The following ESR2 variants were observed in gnomAD, a reference collection of about 807,000 sequenced individuals.
ESR2 encodes the protein estrogen receptor 2, also known as estrogen receptor beta.
In ESR2, 36 loss-of-function variants were observed where a neutral mutation model predicts 49.6. That is an observed-to-expected ratio of 0.73 (90% CI 0.56 to 0.96). ESR2 has a LOEUF of 0.96. ESR2 is among the 40% of genes least tolerant of loss of function. The pLI, the probability that ESR2 is intolerant of heterozygous loss-of-function variation, is 0.00. For synonymous variants in ESR2, 320 were observed against 266.1 expected (o/e 1.20, Z -1.97); for missense variants, 714 against 693.0 (o/e 1.03, Z -0.34).
chr14:64,313,808 G>A (rs1180744442), intron 1 of ESR2, among the ~76,000 whole-genome samples: 1 of 151,138 alleles, frequency 6.6e-6, no homozygotes, highest in African/African-American at 2.4e-5. Context: ...GAACCCAGGA[G>A]GTGGAGCTTG....
intron 1 of ESR2, among the ~76,000 whole-genome samples, chr14:64,292,459 T>G (rs937966730): frequency 9.9e-5 from 15 of 152,202 alleles, no homozygotes; most frequent in African/African-American, 3.6e-4. Context: ...TTTTACTGTA[T>G]GTAAATTATA....
At chr14:64,246,512 C>A (rs56338405) in intron 7 of ESR2, among the ~76,000 whole-genome samples, 1 of 151,944 alleles carries the variant, frequency 6.6e-6, no homozygotes, top group African/African-American at 2.4e-5. Context: ...ATTACCCAGT[C>A]TCAGGTATTT....
intron 7 of ESR2, among the ~76,000 whole-genome samples, chr14:64,248,395 G>C (rs963563196): frequency 6.7e-6 from 1 of 150,312 alleles, no homozygotes; most frequent in African/African-American, 2.5e-5. Context: ...TGTATTCCAA[G>C]CTACTTGTGA....
chr14:64,269,803 T>C (rs1021044819), intron 3 of ESR2, among the ~76,000 whole-genome samples: 1 of 152,206 alleles, frequency 6.6e-6, no homozygotes, highest in Non-Finnish European at 1.5e-5. Context: ...TCTAAGACAA[T>C]GGTACTTTTA....
At chr14:64,279,640 AAAAG>A (rs1567771829) in intron 3 of ESR2, among the ~76,000 whole-genome samples, 1 of 152,226 alleles carries the variant, frequency 6.6e-6, no homozygotes, top group South Asian at 2.1e-4. Flanking sequence ...AAATTTAAGT[AAAAG>A]AAAGAAACAA....
chr14:64,279,248 A>C (rs1031008892), intron 3 of ESR2, among the ~76,000 whole-genome samples: 8 of 152,324 alleles, frequency 5.3e-5, no homozygotes, highest in Middle Eastern at 3.4e-3. Context: ...TATAAGACCA[A>C]GTTGTGGCCT....
chr14:64,324,643 C>G (rs966374793), intron 1 of ESR2, among the ~76,000 whole-genome samples: 1 of 152,138 alleles, frequency 6.6e-6, no homozygotes, highest in Admixed American at 6.6e-5. Flanking sequence ...AAAGATGATA[C>G]AGCTGTTCCA....
At chr14:64,273,222 G>A (rs1246885382) in intron 3 of ESR2, among the ~76,000 whole-genome samples, 1 of 151,824 alleles carries the variant, frequency 6.6e-6, no homozygotes, top group African/African-American at 2.4e-5. Flanking sequence ...TTTTTTGGTG[G>A]AATTTTTCAA....
At chr14:64,324,575 C>T in intron 1 of ESR2, among the ~76,000 whole-genome samples, 1 of 152,092 alleles carries the variant, frequency 6.6e-6, no homozygotes, top group East Asian at 1.9e-4. Context: ...TTTCAAGGAT[C>T]TTTTGTTGTT....
rs187592998 is a variant in ESR2, at chr14:64,283,812, A to G, written c.-90-737T>C. On this transcript the variant is annotated intron_variant, in intron 1 of 8. Coordinates refer to ENST00000341099, the MANE Select transcript of ESR2 (RefSeq NM_001437.3). ...TTTCCGAAAAAAGTTTTTAAAAGAAAGAAAACACATTATGAATCTCCAATA... is the reference window on the plus strand; with the variant it reads ...TTTCCGAAAAAAGTTTTTAAAAGAAGGAAAACACATTATGAATCTCCAATA... Among the ~76,000 whole-genome samples the G allele has an allele frequency of 2.9e-3, 439 of 152,142 alleles. 4 individuals carry two copies. The highest frequency in any genetic ancestry group is 0.028 in the South Asian group (136 of 4,816).
At chr14:64,255,863 C>T (rs572775785) in intron 6 of ESR2, among the ~76,000 whole-genome samples, 17 of 152,354 alleles carry the variant, frequency 1.1e-4, no homozygotes, top group African/African-American at 3.8e-4. Flanking sequence ...GTTCAAGTCA[C>T]ATCAGTCCTC....
chr14:64,326,688 A>C (rs1478844831), intron 1 of ESR2, among the ~76,000 whole-genome samples: 1 of 152,182 alleles, frequency 6.6e-6, no homozygotes, highest in Admixed American at 6.6e-5. Context: ...AGATCCAAAA[A>C]CAACCCTGGA....
Position 64,283,081 on chromosome 14 carries a change from A to C in ESR2, c.-90-6T>G. ...TTCGTGGGCAAGTATAATGGCTGTA[A>C]AGAAACACAGAAGATATTGCCAAGT... On this transcript the variant is annotated splice_region_variant and splice_polypyrimidine_tract_variant and intron_variant, in intron 1 of 8. Coordinates refer to ENST00000341099, the MANE Select transcript of ESR2 (RefSeq NM_001437.3). 8 of 1,289,018 alleles carry C rather than the reference A, an allele frequency of 6.2e-6. No homozygotes were observed. The highest frequency in any genetic ancestry group is 5.3e-6 in the Non-Finnish European group (5 of 938,848). The allele number at this position is 1,289,018 out of a possible 1,614,324, so 79.8% of individuals were successfully genotyped here. A position where few individuals can be genotyped will look rare whatever the true frequency, so the allele number is the denominator to read the frequency against.
At chr14:64,261,926 A>T (rs1005241214) in intron 4 of ESR2, among the ~76,000 whole-genome samples, 1 of 151,670 alleles carries the variant, frequency 6.6e-6, no homozygotes, top group Admixed American at 6.6e-5. Context: ...TAACTTTTAA[A>T]TTTTTTTGTA....
intron 1 of ESR2, among the ~76,000 whole-genome samples, chr14:64,337,160 C>G (rs1196703321): frequency 2.0e-5 from 3 of 152,208 alleles, no homozygotes; most frequent in East Asian, 3.8e-4. Flanking sequence ...TCACACTCAT[C>G]AGTACCATGG....
intron 7 of ESR2, among the ~76,000 whole-genome samples, chr14:64,242,547 C>G (rs1385914734): frequency 6.7e-6 from 1 of 149,876 alleles, no homozygotes; most frequent in Non-Finnish European, 1.5e-5. Context: ...CCTTGTATTC[C>G]CAAAAATTCT....
At position 64,309,607 on chromosome 14, in the gene ESR2, C is replaced by CAA. The variant is rs545143689; in HGVS notation, c.-90-26534_-90-26533dup. On this transcript the variant is annotated intron_variant, in intron 1 of 8. Coordinates refer to the ESR2 transcript ENST00000358599. ...GGGCAACAAGAGTGAAACTCCATCT[C>CAA]AAAAAAAAAAATAGAGAATCTTGCG... Among the ~76,000 whole-genome samples the CAA allele has an allele frequency of 2.2e-4, 28 of 125,894 alleles. No individual in the cohort carries two copies. The South Asian group carries it at 2.5e-3, about 11-fold the overall frequency. 82.6% of individuals were successfully genotyped at this position (125,894 alleles called of 152,430 possible). A position where few individuals can be genotyped will look rare whatever the true frequency, so the allele number is the denominator to read the frequency against.
At chr14:64,285,710 C>T (rs1405902761) in intron 1 of ESR2, among the ~76,000 whole-genome samples, 1 of 151,670 alleles carries the variant, frequency 6.6e-6, no homozygotes. Flanking sequence ...TGCCTGTAGT[C>T]CCAGCTACTC....
At chr14:64,296,273 A>G (rs1000594118), upstream of ESR2, among the ~76,000 whole-genome samples, 2 of 152,130 alleles carry the variant, frequency 1.3e-5, no homozygotes, top group Admixed American at 6.5e-5. Context: ...TCAGTGAGAT[A>G]TTGACTCCAC....
Sources: allele counts gnomAD v4.1 joint callset (sites outside exome capture counted in the v4.1 genomes callset), GRCh38; gene constraint gnomAD v4.1.1; transcripts MANE v1.5; gene names NCBI Gene and HGNC (gene_info 2026-07-23, HGNC 2026-07-21).